PCSK5: variants seen among roughly 807,000 people sequenced by gnomAD.
PCSK5 encodes the protein prohormone convertase 5.
A neutral mutation model predicts 233.2 loss-of-function variants in PCSK5; 129 were observed. The observed-to-expected ratio is 0.55, with a 90% CI of 0.48 to 0.64. The LOEUF (loss-of-function observed/expected upper bound fraction) is 0.64. Among genes scored for constraint, PCSK5 ranks in the 30% least tolerant of loss-of-function variants. The pLI is 0.00. For synonymous variants in PCSK5, 825 were observed against 879.2 expected, an observed-to-expected ratio of 0.94 and a Z score of 1.09; for missense variants, 2,076 against 2,430.1, an observed-to-expected ratio of 0.85 and a Z score of 3.06.
At chr9:75,907,305 A>G (rs1826302091) in intron 1 of PCSK5, among the ~76,000 whole-genome samples, 2 of 152,204 alleles carry the variant, frequency 1.3e-5, no homozygotes, top group East Asian at 1.9e-4. Flanking sequence ...TATTTTGCAG[A>G]CATGGAACGT....
chr9:76,283,055 G>C (rs10114024), intron 24 of PCSK5, among the ~76,000 whole-genome samples: 19,270 of 152,218 alleles, frequency 0.13, 1,645 homozygotes, highest in African/African-American at 0.25. Context: ...GAACAGACAA[G>C]AAATTGGTTC....
chr9:75,942,363 G>A (rs1420229460), intron 2 of PCSK5, among the ~76,000 whole-genome samples: 1 of 152,236 alleles, frequency 6.6e-6, no homozygotes, highest in Non-Finnish European at 1.5e-5. Flanking sequence ...GCTGTGTTGG[G>A]AGAAAGGGAG....
intron 9 of PCSK5, among the ~76,000 whole-genome samples, chr9:76,125,870 A>G (rs1832829491): frequency 6.6e-6 from 1 of 152,168 alleles, no homozygotes; most frequent in Non-Finnish European, 1.5e-5. Context: ...TCCACATTCC[A>G]AATAAAAGGA....
chr9:76,051,214 T>C (rs1829618544), intron 5 of PCSK5, among the ~76,000 whole-genome samples: 1 of 152,146 alleles, frequency 6.6e-6, no homozygotes, highest in Admixed American at 6.6e-5. Flanking sequence ...CTCACATTTC[T>C]CAGATATCAG....
chr9:76,112,935 C>A (rs2131695643), intron 9 of PCSK5, among the ~76,000 whole-genome samples: 1 of 152,244 alleles, frequency 6.6e-6, no homozygotes, highest in African/African-American at 2.4e-5. Context: ...TCCACGACAC[C>A]TAAGCATAAT....
At chr9:76,057,914 G>A (rs767104497) in intron 5 of PCSK5, among the ~76,000 whole-genome samples, 1 of 138,482 alleles carries the variant, frequency 7.2e-6, no homozygotes, top group Non-Finnish European at 1.5e-5. Context: ...ACAGCTCACT[G>A]CATCCATGAA....
At chr9:75,970,778 C>T (rs1011038350) in intron 2 of PCSK5, among the ~76,000 whole-genome samples, 6 of 152,088 alleles carry the variant, frequency 3.9e-5, no homozygotes, top group East Asian at 1.9e-4. Context: ...CACACTGCCA[C>T]GCCTGGTTAA....
At position 76,230,100 on chromosome 9, in the gene PCSK5, T is replaced by C. The variant is rs1366589109; in HGVS notation, c.2729+2495T>C. Among the ~76,000 whole-genome samples, 4 of 152,320 alleles carry C rather than the reference T, an allele frequency of 2.6e-5. No homozygotes were observed. The East Asian group carries it at 5.8e-4, about 22-fold the overall frequency. On this transcript the variant is annotated intron_variant, in intron 21 of 37. Coordinates refer to ENST00000674117, the MANE Select transcript of PCSK5 (RefSeq NM_001372043.1). ...TTCCACTAGGGAAAATTTGTTGGTGTCTGTTGAAAACTGTGGCCATTTGAA... is the reference window on the plus strand; with the variant it reads ...TTCCACTAGGGAAAATTTGTTGGTGCCTGTTGAAAACTGTGGCCATTTGAA...
intron 1 of PCSK5, among the ~76,000 whole-genome samples, chr9:75,908,909 A>T (rs1023018657): frequency 7.8e-6 from 1 of 127,794 alleles, no homozygotes; most frequent in African/African-American, 3.0e-5. Flanking sequence ...CTATCTATCT[A>T]TCTATCTATC....
intron 28 of PCSK5, among the ~76,000 whole-genome samples, chr9:76,304,223 C>T (rs1227075183): frequency 6.6e-6 from 1 of 152,140 alleles, no homozygotes; most frequent in African/African-American, 2.4e-5. Flanking sequence ...TAGGAAAAAA[C>T]CAACTACCCA....
intron 3 of PCSK5, among the ~76,000 whole-genome samples, chr9:75,992,227 A>C (rs1386533550): frequency 6.6e-6 from 1 of 152,178 alleles, no homozygotes; most frequent in East Asian, 1.9e-4. Flanking sequence ...CAGAGTCATC[A>C]CTTGCGCTGA....
At chr9:75,970,629 TA>T (rs1168692328) in intron 2 of PCSK5, among the ~76,000 whole-genome samples, 1 of 152,166 alleles carries the variant, frequency 6.6e-6, no homozygotes, top group Non-Finnish European at 1.5e-5. Flanking sequence ...TTTATTTATT[TA>T]TTTTTTTTGG....
At chr9:76,345,410 CTTTG>C (rs1375069722) in intron 35 of PCSK5, among the ~76,000 whole-genome samples, 4 of 151,130 alleles carry the variant, frequency 2.6e-5, no homozygotes, top group Admixed American at 1.3e-4. Flanking sequence ...TTTTCGTATT[CTTTG>C]TTTGTTTGTT....
intron 24 of PCSK5, among the ~76,000 whole-genome samples, chr9:76,274,770 C>T (rs1024633023): frequency 6.6e-6 from 1 of 152,052 alleles, no homozygotes; most frequent in African/African-American, 2.4e-5. Context: ...ATTTGTATTG[C>T]TATAAAAGAA....
At chr9:76,158,901 G>A (rs2131817497) in intron 11 of PCSK5, 82 bp from the exon 12 acceptor site, 1 of 1,137,670 alleles carries the variant, frequency 8.8e-7, no homozygotes, top group Non-Finnish European at 1.3e-6. Context: ...CTTACATTGT[G>A]TATTTATTCC....
intron 24 of PCSK5, among the ~76,000 whole-genome samples, chr9:76,253,892 C>T (rs544258258): frequency 1.3e-5 from 2 of 152,142 alleles, no homozygotes; most frequent in South Asian, 4.2e-4. Context: ...CTTAGAAGCT[C>T]TTTGTTATAA....
chr9:76,155,826 T>C lies in PCSK5; in HGVS notation c.1313-1219T>C, dbSNP rs73458326. Among the ~76,000 whole-genome samples the C allele has an allele frequency of 4.3e-3, 662 of 152,294 alleles. 1 individual carries two copies. The highest frequency in any genetic ancestry group is 0.015 in the African/African-American group (635 of 41,560). On this transcript the variant is annotated intron_variant, in intron 10 of 37. Transcript: ENST00000674117. ...GACTAGCCAGGCCTTCAGGAACTTA[T>C]AAGAGTAGGGCTTAACTCTGCAGAG...
rs905582676 is a variant in PCSK5 at position 76,358,573 on chromosome 9, T to C, written c.5315T>C (p.Leu1772Pro). 3.1e-6 allele frequency: 5 copies of C among 1,612,654 alleles called. No homozygotes were observed. In the African/African-American group the frequency reaches 6.7e-5, roughly 22 times the overall value. ...GCAACTGAGCATTTCAAGACAGCTC[T>C]GTTCATCACCTCCTCCATGATGCTG... ...RPATEHFKTA[L>P]FITSSMMLVL... Residue 1772 changes from leucine to proline, a missense_variant, in exon 38 of 38, where the codon CTG becomes CCG. By Grantham distance (98) the Leu-to-Pro change is moderately conservative (BLOSUM62 -3). Around this residue, in one of 6 missense-constraint regions of PCSK5, gnomAD observed 1,510 missense variants for 1,538.1 expected, o/e 0.98. Transcript: ENST00000674117.
intron 29 of PCSK5, among the ~76,000 whole-genome samples, chr9:76,309,314 C>T (rs1828794654): frequency 6.6e-6 from 1 of 152,134 alleles, no homozygotes; most frequent in Non-Finnish European, 1.5e-5. Flanking sequence ...TTATCAATTG[C>T]TTCATCTATA....
Sources: gnomAD v4.1 joint callset for allele counts (sites outside exome capture counted in the v4.1 genomes callset) on GRCh38, gnomAD v4.1.1 for gene constraint, gnomAD v4.1.1 regional missense constraint, MANE v1.5 for transcripts, NCBI Gene and HGNC (gene_info 2026-07-23, HGNC 2026-07-21) for gene names.